The following FYB1 variants were observed in gnomAD, a reference collection of about 807,000 sequenced individuals.
FYB1 encodes FYN-binding protein 1.
In FYB1, 41 loss-of-function variants were observed where a neutral mutation model predicts 94.1. The ratio of observed to expected loss-of-function variants is 0.44; its 90% CI spans 0.34 to 0.57. The LOEUF (loss-of-function observed/expected upper bound fraction) is 0.57, where lower values mean the gene tolerates loss of function less well. Among genes scored for constraint, FYB1 ranks in the 20% least tolerant of loss-of-function variants. The pLI, the probability that FYB1 is intolerant of heterozygous loss-of-function variation, is 0.02. For synonymous variants in FYB1, 367 were observed against 353.2 expected (o/e 1.04, Z -0.44); for missense variants, 1,050 against 976.8 (o/e 1.07, Z -1.00).
chr5:39,159,927 A>G (rs1458708977), intron 2 of FYB1, among the ~76,000 whole-genome samples: 11 of 152,118 alleles, frequency 7.2e-5, no homozygotes, highest in African/African-American at 2.4e-4. Flanking sequence ...AACTCTATAG[A>G]AGAACAACAG....
At chr5:39,223,642 G>T (rs1750359105), upstream of FYB1, among the ~76,000 whole-genome samples, 1 of 152,134 alleles carries the variant, frequency 6.6e-6, no homozygotes, top group African/African-American at 2.4e-5. Flanking sequence ...CCATGCAAGA[G>T]TAATTCTAAG....
chr5:39,224,671 T>C (rs1374908755), intron 1 of FYB1, among the ~76,000 whole-genome samples: 2 of 152,180 alleles, frequency 1.3e-5, no homozygotes, highest in Non-Finnish European at 2.9e-5. Flanking sequence ...CTGCTTATTT[T>C]CTTTGACTTT....
At chr5:39,249,099 T>C (rs1484543013) in intron 1 of FYB1, among the ~76,000 whole-genome samples, 3 of 152,208 alleles carry the variant, frequency 2.0e-5, no homozygotes, top group African/African-American at 4.8e-5. Flanking sequence ...TTCTCCTTCA[T>C]CACTGAAATT....
chr5:39,211,732 A>C (rs1749412394), intron 1 of FYB1, among the ~76,000 whole-genome samples: 1 of 152,206 alleles, frequency 6.6e-6, no homozygotes, highest in Non-Finnish European at 1.5e-5. Context: ...CAAGCGAAAA[A>C]TAGAAATGTT....
intron 1 of FYB1, among the ~76,000 whole-genome samples, chr5:39,234,987 C>T (rs1320649923): frequency 6.6e-6 from 1 of 151,870 alleles, no homozygotes; most frequent in African/African-American, 2.4e-5. Flanking sequence ...AGCAAACCAC[C>T]ATGGCACGTG....
At chr5:39,147,427 C>T (rs564028731) in intron 3 of FYB1, among the ~76,000 whole-genome samples, 1 of 149,150 alleles carries the variant, frequency 6.7e-6, no homozygotes, top group Non-Finnish European at 1.5e-5. Context: ...TGTTACCATG[C>T]CCAGCTAAAC....
At chr5:39,248,971 A>T (rs1342187146) in intron 1 of FYB1, among the ~76,000 whole-genome samples, 1 of 152,224 alleles carries the variant, frequency 6.6e-6, no homozygotes, top group East Asian at 1.9e-4. Flanking sequence ...AATTTTTGTT[A>T]ATTAAAATTA....
rs754405610 is a variant in FYB1, at chr5:39,202,044, G to A, written c.917C>T (p.Ser306Leu). The change falls in exon 2 of 19, where the codon TCA (serine) becomes TTA (leucine). Residue 306 changes from serine to leucine, a missense_variant. Coordinates refer to ENST00000512982, the MANE Select transcript of FYB1 (RefSeq NM_001465.6). The stretch of plus-strand genomic sequence containing the variant: ...AGGGAACCTGGCAGGAGGAGTCCCT[G>A]AGGCCAACTCTTCCTGATTTATTTT... ...QSKINQEELA[S>L]GTPPARFPKA... 1 of 1,613,996 alleles carries A rather than the reference G, an allele frequency of 6.2e-7. No individual in the cohort carries two copies.
intron 1 of FYB1, among the ~76,000 whole-genome samples, chr5:39,266,925 C>T (rs780007430): frequency 2.0e-5 from 3 of 152,182 alleles, no homozygotes; most frequent in Non-Finnish European, 4.4e-5. Context: ...TTTTCTTTGA[C>T]TACCAGCTTG....
At chr5:39,148,165 AT>A (rs1742894065) in intron 3 of FYB1, among the ~76,000 whole-genome samples, 3 of 12,068 alleles carry the variant, frequency 2.5e-4, no homozygotes, top group Admixed American at 1.5e-3. Flanking sequence ...TTATATATAT[AT>A]ATATATATAT....
intron 7 of FYB1, 51 bp downstream of exon 7, chr5:39,137,549 A>G (rs1011670443): frequency 5.3e-6 from 8 of 1,511,946 alleles, no homozygotes; most frequent in Non-Finnish European, 7.1e-6. Flanking sequence ...CTTTTGTGTG[A>G]AAGGTATAAA....
chr5:39,148,155 T>TATATATA (rs1332920550), intron 3 of FYB1, among the ~76,000 whole-genome samples: 73 of 37,602 alleles, frequency 1.9e-3, no homozygotes, highest in East Asian at 6.5e-3. Flanking sequence ...TATGTATTTT[T>TATATATA]TATATATATA....
intron 2 of FYB1, among the ~76,000 whole-genome samples, chr5:39,158,475 G>A (rs756752235): frequency 3.7e-4 from 56 of 152,206 alleles, no homozygotes; most frequent in Non-Finnish European, 6.3e-4. Context: ...GAGGGCAATG[G>A]AAGATGGAGC....
intron 1 of FYB1, among the ~76,000 whole-genome samples, chr5:39,261,337 G>GACACACACACACACAC (rs57277521): frequency 1.0e-4 from 14 of 133,870 alleles, no homozygotes; most frequent in Admixed American, 3.1e-4. Context: ...TGTAGATTAA[G>GACACACACACACACAC]ACACACACAC....
chr5:39,119,074 T>C, intron 15 of FYB1, 38 bp from the exon 16 acceptor site: 1 of 1,003,752 alleles, frequency 1.0e-6, no homozygotes, highest in Non-Finnish European at 1.4e-6. Context: ...TATTGGTTTA[T>C]GTGCATTATT....
intron 1 of FYB1, among the ~76,000 whole-genome samples, chr5:39,268,999 C>T (rs1028321015): frequency 6.6e-6 from 1 of 152,182 alleles, no homozygotes; most frequent in African/African-American, 2.4e-5. Context: ...ATCCAAATAG[C>T]ACTTTATAAA....
chr5:39,164,333 C>A (rs1744524179), intron 2 of FYB1, among the ~76,000 whole-genome samples: 1 of 152,182 alleles, frequency 6.6e-6, no homozygotes, highest in Admixed American at 6.5e-5. Context: ...AAATCCTCTA[C>A]TTTTTGAATG....
At chr5:39,239,482 G>A (rs1042679757) in intron 1 of FYB1, among the ~76,000 whole-genome samples, 1 of 152,062 alleles carries the variant, frequency 6.6e-6, no homozygotes, top group Non-Finnish European at 1.5e-5. Flanking sequence ...CAAAATCAAT[G>A]CATGAAAATT....
At chr5:39,200,282 AG>A (rs1395085123) in intron 2 of FYB1, among the ~76,000 whole-genome samples, 2 of 152,194 alleles carry the variant, frequency 1.3e-5, no homozygotes, top group African/African-American at 4.8e-5. Context: ...GGACTTGGTT[AG>A]CATTTGTGGC....
Sources: gnomAD v4.1 joint callset for allele counts (sites outside exome capture counted in the v4.1 genomes callset) on GRCh38, gnomAD v4.1.1 for gene constraint, MANE v1.5 for transcripts, NCBI Gene and HGNC (gene_info 2026-07-23, HGNC 2026-07-21) for gene names.